Variants in LRRTM4 observed in about 807,000 individuals in gnomAD.
The protein encoded by LRRTM4 is leucine-rich repeat transmembrane neuronal protein 4.
Under a neutral mutation model 47.6 loss-of-function variants are expected in LRRTM4, and 25 were observed. The observed-to-expected ratio is 0.53, with a 90% CI of 0.38 to 0.73. The LOEUF is 0.73. Among genes scored for constraint, LRRTM4 ranks in the 30% least tolerant of loss-of-function variants. The probability of loss-of-function intolerance (pLI) is 0.00; values close to 1 mark genes in which losing one functional copy is unlikely to be tolerated. For missense variants in LRRTM4, 638 were observed against 713.4 expected (o/e 0.89, Z 1.20); for synonymous variants, 311 against 269.5 (o/e 1.15, Z -1.51).
chr2:77,078,704 G>A (rs182940802), intron 3 of LRRTM4, among the ~76,000 whole-genome samples: 31 of 152,150 alleles, frequency 2.0e-4, no homozygotes, highest in Admixed American at 6.5e-4. Flanking sequence ...ACCTTGTCCA[G>A]CAAGCAAAAG....
intron 3 of LRRTM4, among the ~76,000 whole-genome samples, chr2:77,095,581 C>A (rs1335121089): frequency 6.6e-6 from 1 of 151,162 alleles, no homozygotes; most frequent in East Asian, 1.9e-4. Flanking sequence ...TCTTGGCTCA[C>A]TGCAACCTCC....
chr2:77,505,457 T>A (rs1019599374), intron 3 of LRRTM4, among the ~76,000 whole-genome samples: 6 of 151,462 alleles, frequency 4.0e-5, no homozygotes, highest in Non-Finnish European at 8.9e-5. Context: ...ACACAACATA[T>A]TTTTGTTGAA....
chr2:77,308,866 C>T (rs1053331838), intron 3 of LRRTM4, among the ~76,000 whole-genome samples: 1 of 151,796 alleles, frequency 6.6e-6, no homozygotes, highest in Non-Finnish European at 1.5e-5. Context: ...GGGTTGGGGT[C>T]GGTTAAGCAA....
intron 3 of LRRTM4, among the ~76,000 whole-genome samples, chr2:77,464,779 A>G (rs1430713873): frequency 1.3e-5 from 2 of 152,168 alleles, no homozygotes; most frequent in African/African-American, 4.8e-5. Flanking sequence ...TCAGAATCAT[A>G]TGAGACACTT....
rs180776265 is a variant in LRRTM4, at chr2:76,775,096, T to A, written c.1552-26180A>T. ...CCTGACTTTTTGCATATCCATTATC[T>A]CTTCATGATTTCTTTGATTGGCTCT... On this transcript the variant is annotated intron_variant, in intron 3 of 3. Transcript: ENST00000409884. Among the ~76,000 whole-genome samples, 50 of 152,314 alleles carry A rather than the reference T, an allele frequency of 3.3e-4. 1 individual carries two copies. The highest frequency in any genetic ancestry group is 2.8e-3 in the Admixed American group (43 of 15,306).
chr2:77,190,759 T>C (rs1242324787), intron 3 of LRRTM4, among the ~76,000 whole-genome samples: 2 of 152,198 alleles, frequency 1.3e-5, no homozygotes, highest in Non-Finnish European at 2.9e-5. Context: ...ATACAAAATT[T>C]GTAAATGCAT....
chr2:76,890,959 G>A (rs937649047), intron 3 of LRRTM4, among the ~76,000 whole-genome samples: 6 of 151,818 alleles, frequency 4.0e-5, no homozygotes, highest in Non-Finnish European at 8.8e-5. Flanking sequence ...CAGCCTAATG[G>A]GGAAATTAGA....
rs57566911 is a variant in LRRTM4 at position 76,830,515 on chromosome 2, C to CGTGTGTGTGTGT, written c.1552-81611_1552-81600dup. 1.3e-3 allele frequency among the ~76,000 whole-genome samples: 187 copies of CGTGTGTGTGTGT among 144,082 alleles called. 1 individual carries two copies. Among genetic ancestry groups the CGTGTGTGTGTGT allele is most frequent in the East Asian group, 0.012 (58 of 4,808 alleles). 94.5% of individuals were successfully genotyped at this position (144,082 alleles called of 152,430 possible). On this transcript the variant is annotated intron_variant, in intron 3 of 3. Coordinates refer to ENST00000409884, the MANE Select transcript of LRRTM4 (RefSeq NM_001134745.3). ...AGTTGTCTATGTGTGGCAGTGTGTGCGTGTGTGTGTGTGTGTGTGTGTGTG... is the reference window on the plus strand; with the variant it reads ...AGTTGTCTATGTGTGGCAGTGTGTGCGTGTGTGTGTGTGTGTGTGTGTGTGTGTGTGTGTGTG...
chr2:77,190,710 T>C (rs773008868), intron 3 of LRRTM4, among the ~76,000 whole-genome samples: 72 of 152,184 alleles, frequency 4.7e-4, no homozygotes, highest in Non-Finnish European at 7.2e-4. Flanking sequence ...TGTGATAGTG[T>C]ACTAATTGCT....
intron 3 of LRRTM4, among the ~76,000 whole-genome samples, chr2:77,030,775 C>G (rs1573473972): frequency 6.6e-6 from 1 of 152,178 alleles, no homozygotes; most frequent in African/African-American, 2.4e-5. Context: ...TTGCTAAAGA[C>G]TATTGGCAAT....
At chr2:77,257,523 C>T (rs1675803284) in intron 3 of LRRTM4, among the ~76,000 whole-genome samples, 1 of 152,044 alleles carries the variant, frequency 6.6e-6, no homozygotes, top group Non-Finnish European at 1.5e-5. Context: ...GAAAGTCCAA[C>T]TGCTGATGAA....
At chr2:77,015,615 T>C (rs1219718810) in intron 3 of LRRTM4, among the ~76,000 whole-genome samples, 1 of 151,292 alleles carries the variant, frequency 6.6e-6, no homozygotes, top group Non-Finnish European at 1.5e-5. Context: ...TGAGCCACCA[T>C]GCCCGGCGGA....
At chr2:77,461,389 T>C (rs1676783949) in intron 3 of LRRTM4, among the ~76,000 whole-genome samples, 1 of 152,096 alleles carries the variant, frequency 6.6e-6, no homozygotes, top group African/African-American at 2.4e-5. Flanking sequence ...GCTTTGCTCA[T>C]TTGAGTGCTG....
chr2:77,027,778 G>A (rs1678505132), intron 3 of LRRTM4, among the ~76,000 whole-genome samples: 1 of 152,044 alleles, frequency 6.6e-6, no homozygotes, highest in Non-Finnish European at 1.5e-5. Flanking sequence ...GAATTACAAT[G>A]AGCATTACAT....
chr2:77,368,862 G>A (rs1672553100), intron 3 of LRRTM4, among the ~76,000 whole-genome samples: 1 of 151,600 alleles, frequency 6.6e-6, no homozygotes, highest in Non-Finnish European at 1.5e-5. Context: ...TATATGCAGG[G>A]GAAGAATTGC....
At chr2:76,931,295 A>G (rs567291084) in intron 3 of LRRTM4, among the ~76,000 whole-genome samples, 2 of 152,346 alleles carry the variant, frequency 1.3e-5, no homozygotes, top group South Asian at 4.1e-4. Context: ...ATGTGAGCAT[A>G]TATTAATGCA....
intron 3 of LRRTM4, among the ~76,000 whole-genome samples, chr2:77,052,034 T>C (rs563015814): frequency 6.6e-6 from 1 of 152,110 alleles, no homozygotes; most frequent in South Asian, 2.1e-4. Context: ...GAGACATAGA[T>C]TGTGTCTGAA....
At chr2:76,785,529 ATCTTCAAT>A (rs1674628420) in intron 3 of LRRTM4, among the ~76,000 whole-genome samples, 1 of 152,120 alleles carries the variant, frequency 6.6e-6, no homozygotes, top group Non-Finnish European at 1.5e-5. Flanking sequence ...TCCAGGAAGG[ATCTTCAAT>A]TTAACTTGGA....
intron 3 of LRRTM4, among the ~76,000 whole-genome samples, chr2:77,054,914 T>C (rs943279540): frequency 6.6e-6 from 1 of 152,242 alleles, no homozygotes; most frequent in Non-Finnish European, 1.5e-5. Flanking sequence ...TGTTTTTGAC[T>C]TATTCATTTG....
Sources: allele counts gnomAD v4.1 joint callset (sites outside exome capture counted in the v4.1 genomes callset), GRCh38; gene constraint gnomAD v4.1.1; transcripts MANE v1.5; gene names NCBI Gene and HGNC (gene_info 2026-07-23, HGNC 2026-07-21).